Variants in CEP112 observed in about 807,000 individuals in gnomAD.
The protein encoded by CEP112 is centrosomal protein 112, also known as centrosomal protein of 112 kDa.
CEP112 carries 127 observed loss-of-function variants against 153.0 expected under a neutral mutation model. The observed-to-expected ratio is 0.83, with a 90% CI of 0.72 to 0.96. The LOEUF is 0.96. CEP112 is among the 40% of genes least tolerant of loss of function. The probability of loss-of-function intolerance (pLI) is 0.00; values close to 1 mark genes in which losing one functional copy is unlikely to be tolerated. For missense variants in CEP112, 1,089 were observed against 1,101.2 expected, an observed-to-expected ratio of 0.99 and a Z score of 0.16; for synonymous variants, 358 against 374.4, an observed-to-expected ratio of 0.96 and a Z score of 0.51.
intron 8 of CEP112, among the ~76,000 whole-genome samples, chr17:66,079,181 T>C (rs1284238261): frequency 1.3e-5 from 2 of 152,184 alleles, no homozygotes; most frequent in African/African-American, 4.8e-5. Context: ...GGCTCATGCC[T>C]ATAATCCCAA....
chr17:65,934,329 TAGA>T (rs749218865), intron 18 of CEP112, among the ~76,000 whole-genome samples: 2 of 152,204 alleles, frequency 1.3e-5, no homozygotes, highest in Non-Finnish European at 2.9e-5. Flanking sequence ...CTGTTATAAG[TAGA>T]AGATGTTTTA....
intron 20 of CEP112, among the ~76,000 whole-genome samples, chr17:65,852,568 C>T (rs1307211998): frequency 6.9e-6 from 1 of 144,274 alleles, no homozygotes; most frequent in Non-Finnish European, 1.5e-5. Context: ...AGGCAAATAC[C>T]ACCTGGAACA....
chr17:65,687,655 G>A (rs2047883230), intron 24 of CEP112, among the ~76,000 whole-genome samples: 1 of 152,112 alleles, frequency 6.6e-6, no homozygotes, highest in Non-Finnish European at 1.5e-5. Context: ...GGAATTATAG[G>A]AAGGCAAGTC....
At chr17:65,744,077 A>C (rs987045444) in intron 22 of CEP112, among the ~76,000 whole-genome samples, 2 of 151,378 alleles carry the variant, frequency 1.3e-5, no homozygotes, top group African/African-American at 4.9e-5. Flanking sequence ...TATCTTTTAT[A>C]AATGAGGAAA....
intron 17 of CEP112, among the ~76,000 whole-genome samples, chr17:65,971,306 T>C (rs2062781387): frequency 6.7e-6 from 1 of 150,128 alleles, no homozygotes; most frequent in African/African-American, 2.4e-5. Flanking sequence ...GCACGTTACA[T>C]GTGTTTTACA....
At chr17:65,638,624 G>C (rs961276492) in intron 25 of CEP112, among the ~76,000 whole-genome samples, 1 of 152,166 alleles carries the variant, frequency 6.6e-6, no homozygotes, top group African/African-American at 2.4e-5. Flanking sequence ...GACAGATGCA[G>C]GGATTACACT....
chr17:65,709,747 A>G (rs2049084998), intron 23 of CEP112, among the ~76,000 whole-genome samples: 1 of 152,230 alleles, frequency 6.6e-6, no homozygotes, highest in South Asian at 2.1e-4. Flanking sequence ...GGCATTATAC[A>G]AAATAGCTCT....
chr17:66,187,002 TC>T (rs1202377798), intron 1 of CEP112, among the ~76,000 whole-genome samples: 1 of 152,158 alleles, frequency 6.6e-6, no homozygotes, highest in African/African-American at 2.4e-5. Context: ...CCTCTACCTG[TC>T]CTCTATCAAT....
At chr17:65,841,942 A>T (rs1238441420) in intron 21 of CEP112, among the ~76,000 whole-genome samples, 5 of 151,840 alleles carry the variant, frequency 3.3e-5, no homozygotes, top group Non-Finnish European at 7.4e-5. Flanking sequence ...TAGGGCACAA[A>T]TATCTGCTTA....
intron 18 of CEP112, among the ~76,000 whole-genome samples, chr17:65,934,042 A>G (rs2061220049): frequency 6.6e-6 from 1 of 152,200 alleles, no homozygotes. Flanking sequence ...TACAAAAGTT[A>G]CATGGGCACA....
intron 19 of CEP112, among the ~76,000 whole-genome samples, chr17:65,921,461 T>C (rs1026914668): frequency 1.3e-5 from 2 of 152,140 alleles, no homozygotes; most frequent in Non-Finnish European, 2.9e-5. Flanking sequence ...CTAAAAAAGT[T>C]TGTATATTGT....
intron 6 of CEP112, among the ~76,000 whole-genome samples, chr17:66,103,397 G>A (rs2068647978): frequency 6.6e-6 from 1 of 151,338 alleles, no homozygotes; most frequent in South Asian, 2.1e-4. Flanking sequence ...GAAAGAAGAG[G>A]GTACAAGATT....
chr17:65,796,760 T>C (rs1398401536), intron 21 of CEP112, among the ~76,000 whole-genome samples: 1 of 149,530 alleles, frequency 6.7e-6, no homozygotes, highest in Non-Finnish European at 1.5e-5. Context: ...GGGTTGGGCA[T>C]GGTGGCTCAC....
chr17:65,685,978 T>C (rs149990694), intron 24 of CEP112, among the ~76,000 whole-genome samples: 1 of 152,284 alleles, frequency 6.6e-6, no homozygotes, highest in Non-Finnish European at 1.5e-5. Context: ...CTAATTATTT[T>C]TGACTACTTG....
At chr17:66,049,150 G>A (rs574916359) in intron 12 of CEP112, among the ~76,000 whole-genome samples, 2 of 152,114 alleles carry the variant, frequency 1.3e-5, no homozygotes, top group African/African-American at 4.8e-5. Flanking sequence ...TCTCCCTGAG[G>A]TTCACCCCAT....
At chr17:65,686,612 A>C (rs74004911) in intron 24 of CEP112, among the ~76,000 whole-genome samples, 3,187 of 152,292 alleles carry the variant, frequency 0.021, 94 homozygotes, top group African/African-American at 0.072. Flanking sequence ...GATGGGGCTC[A>C]GTTGACCTTC....
intron 23 of CEP112, among the ~76,000 whole-genome samples, chr17:65,696,996 T>C (rs146723508): frequency 2.0e-5 from 3 of 151,900 alleles, no homozygotes; most frequent in Admixed American, 2.0e-4. Flanking sequence ...ACCAGGGGGG[T>C]AGGATGTGCA....
At chr17:66,146,013 T>G (rs2070902971) in intron 4 of CEP112, among the ~76,000 whole-genome samples, 1 of 152,094 alleles carries the variant, frequency 6.6e-6, no homozygotes, top group South Asian at 2.1e-4. Context: ...TTAATAGATC[T>G]GATTTGATAA....
At position 66,176,847 on chromosome 17, in the gene CEP112, T is replaced by C. The variant is rs202195520; in HGVS notation, c.280A>G (p.Ile94Val). ...THRPEPGTLK[I>V]LPSYMSIYFD... Reference sequence around the variant, plus strand: ...ATACCTACCATGTATGAAGGTAGAATTTTTAGTGTCCCGGGTTCAGGTCGG... The same window carrying C: ...ATACCTACCATGTATGAAGGTAGAACTTTTAGTGTCCCGGGTTCAGGTCGG... Residue 94 changes from isoleucine (I) to valine (V), a missense_variant, in exon 3 of 27, where the codon ATT becomes GTT. By Grantham distance (29) the Ile-to-Val change is conservative. Transcript: ENST00000535342. The C allele has an allele frequency of 9.8e-5, 157 of 1,607,642 alleles. No individual in the cohort carries two copies. Among genetic ancestry groups the C allele is most frequent in the Non-Finnish European group, 1.3e-4 (148 of 1,177,982 alleles).
Sources: allele counts gnomAD v4.1 joint callset (sites outside exome capture counted in the v4.1 genomes callset), GRCh38; gene constraint gnomAD v4.1.1; transcripts MANE v1.5; gene names NCBI Gene and HGNC (gene_info 2026-07-23, HGNC 2026-07-21).